Variants in LRRC74A observed in about 807,000 individuals in gnomAD.
LRRC74A encodes the protein leucine-rich repeat-containing protein 74A.
In LRRC74A, 44 loss-of-function variants were observed where a neutral mutation model predicts 57.9. That is an observed-to-expected ratio of 0.76 (90% CI 0.60 to 0.98). The LOEUF (loss-of-function observed/expected upper bound fraction) is 0.98. LRRC74A is among the 50% of genes least tolerant of loss of function. LRRC74A has a pLI of 0.00. For synonymous variants in LRRC74A, 211 were observed against 219.4 expected, an observed-to-expected ratio of 0.96 and a Z score of 0.34; for missense variants, 572 against 574.0, an observed-to-expected ratio of 1.00 and a Z score of 0.04.
At chr14:76,833,984 T>C (rs1417903831) in intron 3 of LRRC74A, among the ~76,000 whole-genome samples, 2 of 152,218 alleles carry the variant, frequency 1.3e-5, no homozygotes, top group African/African-American at 2.4e-5. Flanking sequence ...TGTAAGTTCC[T>C]TGTATGATAA....
At position 76,864,237 on chromosome 14, in the gene LRRC74A, G is replaced by C. The variant is rs113025170; in HGVS notation, c.1201-1731G>C. Among the ~76,000 whole-genome samples, 505 of 152,226 alleles carry C rather than the reference G, an allele frequency of 3.3e-3. 2 individuals are homozygous for C. The highest frequency in any genetic ancestry group is 0.012 in the African/African-American group (487 of 41,518). ...GATGGAGAACTGGAAATGTAGCTTTGGGAGGCACTCCGGAAGGGTGGGAGG... is the reference window on the plus strand; with the variant it reads ...GATGGAGAACTGGAAATGTAGCTTTCGGAGGCACTCCGGAAGGGTGGGAGG... On this transcript the variant is annotated intron_variant, in intron 11 of 13. Coordinates refer to ENST00000689127, the MANE Select transcript of LRRC74A (RefSeq NM_001385106.1).
intron 5 of LRRC74A, among the ~76,000 whole-genome samples, chr14:76,838,847 C>T (rs1397539561): frequency 2.0e-5 from 3 of 152,184 alleles, no homozygotes; most frequent in South Asian, 2.1e-4. Flanking sequence ...GCAATCCTCC[C>T]GCCTCAGCCT....
In LRRC74A at chr14:76,853,232, C is replaced by A; in HGVS notation, c.779C>A (p.Thr260Lys). Residue 260 changes from threonine (T) to lysine (K), a missense_variant, in exon 9 of 14, where the codon ACA becomes AAA. Thr to Lys is a moderately conservative substitution (Grantham distance 78). Coordinates refer to ENST00000689127, the MANE Select transcript of LRRC74A (RefSeq NM_001385106.1). ...TTCCTGGAGGGTAATGTGACCCTGA[C>A]AAAGCTGGATCTCTCCATGAATGGC... ...CNGLRGNVTL[T>K]KLDLSMNGFG... 1 of 1,612,868 alleles carries A rather than the reference C, an allele frequency of 6.2e-7. No individual in the cohort carries two copies. The highest frequency in any genetic ancestry group is 8.5e-7 in the Non-Finnish European group (1 of 1,178,916).
intron 9 of LRRC74A, among the ~76,000 whole-genome samples, chr14:76,856,139 C>T (rs570330638): frequency 2.0e-5 from 3 of 152,326 alleles, no homozygotes; most frequent in African/African-American, 7.2e-5. Context: ...TGCTCACAAA[C>T]ATCTCTTGCT....
At chr14:76,867,568 C>T (rs1899040814) in intron 13 of LRRC74A, 130 bp downstream of exon 13, 2 of 591,698 alleles carry the variant, frequency 3.4e-6, no homozygotes, top group South Asian at 3.8e-5. Flanking sequence ...TCCCTGCATG[C>T]CAAGTCTGGG....
chr14:76,833,446 T>A (rs1164306282), intron 3 of LRRC74A, among the ~76,000 whole-genome samples: 4 of 142,758 alleles, frequency 2.8e-5, no homozygotes, highest in African/African-American at 1.0e-4. Flanking sequence ...CTTTTTTTTT[T>A]TTTTTTTTTT....
intron 11 of LRRC74A, among the ~76,000 whole-genome samples, chr14:76,863,731 G>A (rs1307147900): frequency 1.3e-5 from 2 of 152,204 alleles, no homozygotes; most frequent in African/African-American, 2.4e-5. Context: ...AAGCACACGG[G>A]GGTTTATTAC....
chr14:76,838,661 T>A (rs1353645382), intron 5 of LRRC74A, among the ~76,000 whole-genome samples: 1 of 152,214 alleles, frequency 6.6e-6, no homozygotes, highest in African/African-American at 2.4e-5. Flanking sequence ...AAGAAAGGTA[T>A]ATAAAAAAGA....
chr14:76,863,781 CAGACTCTTGTT>C (rs1898520945), intron 11 of LRRC74A, among the ~76,000 whole-genome samples: 1 of 152,226 alleles, frequency 6.6e-6, no homozygotes, highest in South Asian at 2.1e-4. Context: ...GCTGAACAAA[CAGACTCTTGTT>C]AGATTCCAGA....
intron 12 of LRRC74A, among the ~76,000 whole-genome samples, chr14:76,867,155 T>G (rs942110503): frequency 7.5e-3 from 6 of 802 alleles, no homozygotes; most frequent in South Asian, 0.083. Context: ...GTGTGTGTGT[T>G]GGGGGTGGGG....
intron 7 of LRRC74A, among the ~76,000 whole-genome samples, chr14:76,850,097 A>G (rs1897346165): frequency 6.6e-6 from 1 of 151,938 alleles, no homozygotes; most frequent in African/African-American, 2.4e-5. Context: ...AGCCCCAGCT[A>G]CTCGGGAGGC....
intron 3 of LRRC74A, among the ~76,000 whole-genome samples, chr14:76,832,948 T>C (rs1349020048): frequency 6.6e-6 from 1 of 152,234 alleles, no homozygotes; most frequent in Non-Finnish European, 1.5e-5. Context: ...CAATGCTGTG[T>C]GTGCTGCAAG....
intron 5 of LRRC74A, among the ~76,000 whole-genome samples, chr14:76,844,035 G>A (rs1000060080): frequency 3.9e-5 from 6 of 152,096 alleles, no homozygotes; most frequent in Admixed American, 1.3e-4. Flanking sequence ...ATCTTGGTCT[G>A]TCACCCAGGC....
intron 7 of LRRC74A, among the ~76,000 whole-genome samples, chr14:76,848,282 AAAAAT>A (rs1341750370): frequency 2.0e-5 from 3 of 149,998 alleles, no homozygotes; most frequent in East Asian, 1.9e-4. Context: ...AGTATGATAA[AAAAAT>A]AAAATAAAAT....
At chr14:76,850,800 G>A (rs143734307) in intron 7 of LRRC74A, among the ~76,000 whole-genome samples, 28 of 147,152 alleles carry the variant, frequency 1.9e-4, no homozygotes, top group East Asian at 1.3e-3. Context: ...CCCAGGAGGC[G>A]GAGGTTGCAG....
intron 7 of LRRC74A, among the ~76,000 whole-genome samples, chr14:76,846,710 C>T (rs1277145156): frequency 6.6e-6 from 1 of 152,130 alleles, no homozygotes; most frequent in East Asian, 1.9e-4. Flanking sequence ...GGTCATTTTG[C>T]TTCAGCTATT....
chr14:76,828,911 C>A, intron 2 of LRRC74A: 2 of 605,762 alleles, frequency 3.3e-6, no homozygotes, highest in Non-Finnish European at 4.1e-6. Context: ...ATATCCCAGG[C>A]CCCTGGAGTG....
At chr14:76,861,378 G>A (rs1898294191) in intron 11 of LRRC74A, among the ~76,000 whole-genome samples, 2 of 152,244 alleles carry the variant, frequency 1.3e-5, no homozygotes, top group South Asian at 2.1e-4. Flanking sequence ...CAGCCAAAGA[G>A]AGACACTTCA....
chr14:76,844,608 A>T (rs1213670335), intron 6 of LRRC74A, 136 bp downstream of exon 6: 12 of 906,864 alleles, frequency 1.3e-5, no homozygotes, highest in Non-Finnish European at 1.7e-5. Context: ...GACCCTGCCA[A>T]CCCCAACAAA....
Sources: gnomAD v4.1 joint callset for allele counts (sites outside exome capture counted in the v4.1 genomes callset) on GRCh38, gnomAD v4.1.1 for gene constraint, MANE v1.5 for transcripts, NCBI Gene and HGNC (gene_info 2026-07-23, HGNC 2026-07-21) for gene names.